Variants in PDE11A observed in about 807,000 individuals in gnomAD.
PDE11A encodes phosphodiesterase 11A.
PDE11A carries 100 observed loss-of-function variants against 100.5 expected under a neutral mutation model. The observed-to-expected ratio is 1.00, with a 90% CI of 0.85 to 1.18. The LOEUF is 1.18. PDE11A is among the 50% of genes most tolerant of loss of function. The pLI is 0.00. For missense variants in PDE11A, 1,141 were observed against 1,152.6 expected, an observed-to-expected ratio of 0.99 and a Z score of 0.15; for synonymous variants, 381 against 420.8, an observed-to-expected ratio of 0.91 and a Z score of 1.16.
intron 2 of PDE11A, among the ~76,000 whole-genome samples, chr2:177,962,996 A>G (rs2085654738): frequency 6.6e-6 from 1 of 152,216 alleles, no homozygotes; most frequent in Non-Finnish European, 1.5e-5. Context: ...GTTGCGAAGA[A>G]GAATTTTTAA....
At chr2:178,053,737 C>T (rs2086859183) in intron 1 of PDE11A, among the ~76,000 whole-genome samples, 1 of 152,188 alleles carries the variant, frequency 6.6e-6, no homozygotes, top group South Asian at 2.1e-4. Context: ...CAGAGAGCCA[C>T]ATCATGAGTG....
intron 10 of PDE11A, among the ~76,000 whole-genome samples, chr2:177,758,096 A>C (rs1364158366): frequency 1.3e-5 from 2 of 151,334 alleles, no homozygotes; most frequent in Non-Finnish European, 2.9e-5. Flanking sequence ...GGAGATCGAG[A>C]CCATCCTGGC....
intron 5 of PDE11A, among the ~76,000 whole-genome samples, chr2:177,865,773 C>T (rs1236316275): frequency 6.6e-6 from 1 of 151,976 alleles, no homozygotes; most frequent in Non-Finnish European, 1.5e-5. Context: ...TTATATAATT[C>T]CATTTATAAG....
chr2:177,685,413 T>C (rs2080930510), intron 15 of PDE11A, among the ~76,000 whole-genome samples: 1 of 152,180 alleles, frequency 6.6e-6, no homozygotes, highest in African/African-American at 2.4e-5. Flanking sequence ...CCATCCAATA[T>C]CTGACTCACC....
At chr2:178,022,984 A>G (rs1379617519) in intron 1 of PDE11A, among the ~76,000 whole-genome samples, 1 of 152,252 alleles carries the variant, frequency 6.6e-6, no homozygotes, top group East Asian at 1.9e-4. Flanking sequence ...TTTTATGCAG[A>G]TCTGTCTTTT....
rs1476369068 is a variant in PDE11A, at chr2:177,701,226, A to C, written c.2154-15T>G. On this transcript the variant is annotated splice_polypyrimidine_tract_variant and intron_variant, in intron 13 of 19. Transcript: ENST00000286063. ...CAGAGCCACTCCTGAAAGAGGACAG[A>C]GGGTGAGTGAGCAGGGCCTATCGAT... is the stretch of plus-strand genomic sequence containing the variant. The C allele has an allele frequency of 1.6e-6, 2 of 1,277,976 alleles. No individual in the cohort carries two copies. The highest frequency in any genetic ancestry group is 4.6e-5 in the East Asian group (2 of 43,378). 79.2% of individuals were successfully genotyped at this position (1,277,976 alleles called of 1,614,324 possible). A position where few individuals can be genotyped will look rare whatever the true frequency, so the allele number is the denominator to read the frequency against.
chr2:177,993,118 T>C (rs1397265110), intron 2 of PDE11A, among the ~76,000 whole-genome samples: 1 of 152,176 alleles, frequency 6.6e-6, no homozygotes, highest in Non-Finnish European at 1.5e-5. Context: ...CATTGTGGTT[T>C]TGCTCACCAA....
chr2:178,058,658 A>G (rs543448881), intron 1 of PDE11A, among the ~76,000 whole-genome samples: 3 of 152,256 alleles, frequency 2.0e-5, no homozygotes, highest in African/African-American at 7.2e-5. Context: ...AACATATAAC[A>G]TTTTTATTGA....
At chr2:177,749,572 C>T (rs988096203) in intron 10 of PDE11A, among the ~76,000 whole-genome samples, 7 of 151,944 alleles carry the variant, frequency 4.6e-5, no homozygotes, top group African/African-American at 1.5e-4. Flanking sequence ...TGGCTACTGT[C>T]GGTGGGCCAT....
intron 10 of PDE11A, among the ~76,000 whole-genome samples, chr2:177,729,452 C>A (rs1274972603): frequency 1.3e-5 from 2 of 152,148 alleles, no homozygotes; most frequent in East Asian, 1.9e-4. Context: ...GTTTCTCTAG[C>A]CCACATCTTT....
chr2:177,863,089 G>T (rs1177110761), intron 5 of PDE11A, among the ~76,000 whole-genome samples: 2 of 151,704 alleles, frequency 1.3e-5, no homozygotes, highest in Admixed American at 1.3e-4. Flanking sequence ...GGAAAATAAT[G>T]GTCTCTTAAA....
At chr2:177,857,743 G>C (rs997731241) in intron 5 of PDE11A, among the ~76,000 whole-genome samples, 1 of 152,000 alleles carries the variant, frequency 6.6e-6, no homozygotes, top group African/African-American at 2.4e-5. Flanking sequence ...GCAGAGATCA[G>C]TAGAATGGAT....
At chr2:177,947,874 A>T (rs1333514174) in intron 2 of PDE11A, among the ~76,000 whole-genome samples, 1 of 152,046 alleles carries the variant, frequency 6.6e-6, no homozygotes, top group Non-Finnish European at 1.5e-5. Flanking sequence ...AATTTGAAAA[A>T]CACAGAAAAG....
chr2:177,670,763 C>T (rs1370812992), intron 17 of PDE11A, among the ~76,000 whole-genome samples: 1 of 152,174 alleles, frequency 6.6e-6, no homozygotes, highest in Non-Finnish European at 1.5e-5. Flanking sequence ...CAATGCTAAA[C>T]TCACACACAC....
intron 10 of PDE11A, among the ~76,000 whole-genome samples, chr2:177,763,153 G>C (rs1208947384): frequency 6.6e-6 from 1 of 152,180 alleles, no homozygotes; most frequent in East Asian, 1.9e-4. Flanking sequence ...CTTGTGAGCA[G>C]GAGATGCCCT....
At chr2:177,914,935 C>A (rs1262327006) in intron 2 of PDE11A, among the ~76,000 whole-genome samples, 2 of 152,082 alleles carry the variant, frequency 1.3e-5, no homozygotes, top group African/African-American at 4.8e-5. Context: ...TAGCATGTGG[C>A]CTTTTGTGTC....
intron 2 of PDE11A, among the ~76,000 whole-genome samples, chr2:178,083,014 G>C (rs1272764703): frequency 6.6e-6 from 1 of 151,962 alleles, no homozygotes; most frequent in East Asian, 1.9e-4. Flanking sequence ...GTAGGCCTTA[G>C]AATTTTAATT....
At chr2:177,990,899 C>T (rs1282951035) in intron 2 of PDE11A, among the ~76,000 whole-genome samples, 1 of 150,670 alleles carries the variant, frequency 6.6e-6, no homozygotes, top group Non-Finnish European at 1.5e-5. Context: ...GAGGCTAAGG[C>T]AGAAGAATTG....
intron 19 of PDE11A, among the ~76,000 whole-genome samples, chr2:177,635,250 T>C (rs76059633): frequency 0.043 from 6,526 of 152,334 alleles, 141 homozygotes; most frequent in East Asian, 0.076. Context: ...GAATTTTCTT[T>C]AGTAGTGTAG....
Sources: gnomAD v4.1 joint callset for allele counts (sites outside exome capture counted in the v4.1 genomes callset) on GRCh38, gnomAD v4.1.1 for gene constraint, MANE v1.5 for transcripts, NCBI Gene and HGNC (gene_info 2026-07-23, HGNC 2026-07-21) for gene names.